NRXN1: variants seen among roughly 807,000 people sequenced by gnomAD.
NRXN1 encodes neurexin-1.
A neutral mutation model predicts 150.9 loss-of-function variants in NRXN1; 39 were observed. That is an observed-to-expected ratio of 0.26 (90% CI 0.20 to 0.34). The LOEUF is 0.34. NRXN1 is among the 10% of genes least tolerant of loss of function. NRXN1 has a pLI of 1.00. For synonymous variants in NRXN1, 924 were observed against 757.0 expected (o/e 1.22, Z -3.62); for missense variants, 1,815 against 1,949.9 (o/e 0.93, Z 1.30).
intron 18 of NRXN1, among the ~76,000 whole-genome samples, chr2:50,125,571 A>G (rs1347135080): frequency 2.0e-5 from 3 of 152,074 alleles, no homozygotes; most frequent in Non-Finnish European, 4.4e-5. Context: ...CGGTGACAAG[A>G]GAGCAAAGAT....
chr2:50,022,734 A>C (rs1474951413), intron 21 of NRXN1: 3 of 152,234 alleles, frequency 2.0e-5, no homozygotes, highest in Non-Finnish European at 4.4e-5. Context: ...TTACAAAAAG[A>C]GATGTTTTGT....
chr2:50,266,456 A>T (rs1451339201), intron 17 of NRXN1, among the ~76,000 whole-genome samples: 1 of 147,826 alleles, frequency 6.8e-6, no homozygotes, highest in East Asian at 1.9e-4. Context: ...TTATAATTAT[A>T]TATTATGATA....
intron 17 of NRXN1, among the ~76,000 whole-genome samples, chr2:50,323,690 GAA>G (rs1383117804): frequency 6.6e-6 from 1 of 151,990 alleles, no homozygotes; most frequent in East Asian, 1.9e-4. Context: ...AGAAAAATGC[GAA>G]GAGTTTGAAA....
intron 21 of NRXN1, among the ~76,000 whole-genome samples, chr2:49,997,614 T>C (rs1178004999): frequency 2.0e-5 from 3 of 152,192 alleles, no homozygotes; most frequent in African/African-American, 7.2e-5. Context: ...TTCATTTTTA[T>C]CCTAACATAG....
At chr2:50,989,012 T>C (rs1223160868) in intron 2 of NRXN1, among the ~76,000 whole-genome samples, 1 of 151,922 alleles carries the variant, frequency 6.6e-6, no homozygotes, top group Admixed American at 6.6e-5. Context: ...TTTTCCCCTA[T>C]TTTTCTTTTT....
chr2:50,478,034 C>A (rs1244862889), intron 15 of NRXN1, among the ~76,000 whole-genome samples: 1 of 152,064 alleles, frequency 6.6e-6, no homozygotes, highest in African/African-American at 2.4e-5. Context: ...CAAATTTGTA[C>A]CATTATCTTT....
chr2:50,274,939 G>C (rs2152926295), intron 17 of NRXN1, among the ~76,000 whole-genome samples: 2 of 152,262 alleles, frequency 1.3e-5, no homozygotes, highest in African/African-American at 4.8e-5. Context: ...CACATTAGAA[G>C]TGTGGCATGT....
rs553378166 is a variant in NRXN1 at position 50,957,598 on chromosome 2, A to G, written c.773-31643T>C. ...ATCCCTGGCATAATATTAGTAATCA[A>G]TAAATGATTCTGCGGCTTTATCATA... On this transcript the variant is annotated intron_variant, in intron 2 of 22. Coordinates refer to ENST00000401669, the MANE Select transcript of NRXN1 (RefSeq NM_001330078.2). Among the ~76,000 whole-genome samples the G allele has an allele frequency of 8.5e-5, 13 of 152,328 alleles. No homozygotes were observed. The East Asian group carries it at 2.1e-3, about 25-fold the overall frequency.
intron 17 of NRXN1, among the ~76,000 whole-genome samples, chr2:50,376,223 C>T (rs974453219): frequency 6.6e-6 from 1 of 151,840 alleles, no homozygotes; most frequent in Non-Finnish European, 1.5e-5. Context: ...AGACACAGTA[C>T]AAGTATTTCC....
At chr2:50,106,634 A>G (rs10203035) in intron 18 of NRXN1, among the ~76,000 whole-genome samples, 92,613 of 151,666 alleles carry the variant, frequency 0.61, 29,128 homozygotes, top group African/African-American at 0.75. Context: ...CTTTTGATAA[A>G]CTTTCCTAGT....
chr2:50,338,527 T>C (rs182913393), intron 17 of NRXN1, among the ~76,000 whole-genome samples: 1 of 152,220 alleles, frequency 6.6e-6, no homozygotes, highest in East Asian at 1.9e-4. Context: ...TATACTAGAT[T>C]GTAATATATT....
At chr2:50,839,879 C>T (rs574844878) in intron 5 of NRXN1, among the ~76,000 whole-genome samples, 16 of 151,936 alleles carry the variant, frequency 1.1e-4, no homozygotes, top group Non-Finnish European at 1.8e-4. Flanking sequence ...ATGGTTGTTG[C>T]TATTTTAAGT....
intron 17 of NRXN1, among the ~76,000 whole-genome samples, chr2:50,305,154 C>T (rs2074504269): frequency 1.3e-5 from 2 of 152,058 alleles, no homozygotes; most frequent in Admixed American, 1.3e-4. Flanking sequence ...TAAATTGTAT[C>T]CACATTACCA....
intron 21 of NRXN1, among the ~76,000 whole-genome samples, chr2:49,949,324 A>T (rs72885891): frequency 0.16 from 24,100 of 151,786 alleles, 2,107 homozygotes; most frequent in South Asian, 0.29. Context: ...TAATGGTGGA[A>T]TTTTCTGTAT....
rs202077470 is a variant in NRXN1, at chr2:50,856,025, CT to C, written c.832+65843del. On this transcript the variant is annotated intron_variant, in intron 5 of 22. Transcript: ENST00000401669. ...CAATGAGCAACAGAACACGAGTAGCCTTTTTTTTTTTTTTTCCACCATGGAA... is the reference window on the plus strand; with the variant it reads ...CAATGAGCAACAGAACACGAGTAGCCTTTTTTTTTTTTTTCCACCATGGAA... Among the ~76,000 whole-genome samples the C allele has an allele frequency of 8.0e-3, 1,107 of 138,524 alleles. 6 individuals are homozygous for C. Among genetic ancestry groups the C allele is most frequent in the African/African-American group, 0.02 (766 of 37,946 alleles). 90.9% of individuals were successfully genotyped at this position (138,524 alleles called of 152,430 possible). A position where few individuals can be genotyped will look rare whatever the true frequency, so the allele number is the denominator to read the frequency against.
At chr2:50,823,240 A>T (rs76299584) in intron 5 of NRXN1, among the ~76,000 whole-genome samples, 11,460 of 152,232 alleles carry the variant, frequency 0.075, 537 homozygotes, top group Middle Eastern at 0.13. Context: ...TTTGAAAACC[A>T]AAGAGATTAT....
chr2:50,464,276 T>C (rs1056242195), intron 17 of NRXN1, among the ~76,000 whole-genome samples: 4 of 151,702 alleles, frequency 2.6e-5, no homozygotes, highest in Admixed American at 6.6e-5. Flanking sequence ...AGTGGCATGG[T>C]TGTTAAAGGC....
intron 13 of NRXN1, among the ~76,000 whole-genome samples, chr2:50,500,012 C>A (rs1319310748): frequency 6.6e-6 from 1 of 151,220 alleles, no homozygotes; most frequent in Non-Finnish European, 1.5e-5. Flanking sequence ...TTATTCTATG[C>A]CACATTAAAA....
At chr2:50,710,041 C>T (rs1215389575) in intron 5 of NRXN1, among the ~76,000 whole-genome samples, 1 of 152,076 alleles carries the variant, frequency 6.6e-6, no homozygotes, top group East Asian at 1.9e-4. Context: ...AAAGCATCCA[C>T]CAGAACATGT....
Sources: gnomAD v4.1 joint callset for allele counts (sites outside exome capture counted in the v4.1 genomes callset) on GRCh38, gnomAD v4.1.1 for gene constraint, MANE v1.5 for transcripts, NCBI Gene and HGNC (gene_info 2026-07-23, HGNC 2026-07-21) for gene names.